CELF1: variants seen among roughly 807,000 people sequenced by gnomAD.
CELF1 encodes the protein CUGBP Elav-like family member 1.
CELF1 carries 10 observed loss-of-function variants against 61.8 expected under a neutral mutation model. That is an observed-to-expected ratio of 0.16 (90% CI 0.10 to 0.27). The LOEUF (loss-of-function observed/expected upper bound fraction) is 0.27. CELF1 is among the 10% of genes least tolerant of loss of function. The pLI, the probability that CELF1 is intolerant of heterozygous loss-of-function variation, is 1.00. For synonymous variants in CELF1, 236 were observed against 225.1 expected (o/e 1.05, Z -0.43); for missense variants, 380 against 639.1 (o/e 0.59, Z 4.37).
At chr11:47,535,921 C>A (rs2096618670) in intron 1 of CELF1, among the ~76,000 whole-genome samples, 1 of 151,782 alleles carries the variant, frequency 6.6e-6, no homozygotes, top group Admixed American at 6.6e-5. Context: ...TGCCACCGTG[C>A]CCAGCTAATT....
chr11:47,541,680 G>A lies in CELF1; in HGVS notation c.-154+11312C>T, dbSNP rs755234943. 2.8e-3 allele frequency among the ~76,000 whole-genome samples: 179 copies of A among 63,566 alleles called. 2 individuals are homozygous for A. The highest frequency in any genetic ancestry group is 0.02 in the Middle Eastern group (4 of 200). 41.7% of individuals were successfully genotyped at this position (63,566 alleles called of 152,430 possible). On this transcript the variant is annotated intron_variant, in intron 1 of 14. Coordinates refer to ENST00000687097, the MANE Select transcript of CELF1 (RefSeq NM_001376376.1). Reference sequence around the variant, plus strand: ...ACTCCAGAGCCTGGTGACAGGGCGAGACTGTCAAAGAAAGAAAGAAAGAAA... The same window carrying A: ...ACTCCAGAGCCTGGTGACAGGGCGAAACTGTCAAAGAAAGAAAGAAAGAAA...
intron 8 of CELF1, 37 bp downstream of exon 8, chr11:47,483,416 G>A: frequency 6.5e-7 from 1 of 1,546,172 alleles, no homozygotes; most frequent in Non-Finnish European, 8.9e-7. Context: ...GCATTCCCAA[G>A]CTGAGGAATT....
chr11:47,495,603 T>C (rs1041821878), intron 3 of CELF1, among the ~76,000 whole-genome samples: 4 of 152,140 alleles, frequency 2.6e-5, no homozygotes, highest in Non-Finnish European at 5.9e-5. Context: ...CGAAGAAAAG[T>C]CATGTTGCAA....
chr11:47,561,897 A>G (rs1435219383), intron 2 of CELF1, among the ~76,000 whole-genome samples: 1 of 152,080 alleles, frequency 6.6e-6, no homozygotes, highest in Non-Finnish European at 1.5e-5. Context: ...CATTCTAAGC[A>G]TAAGACAGGT....
chr11:47,486,734 G>C lies in CELF1; in HGVS notation c.391+16C>G, dbSNP rs372908172. The C allele has an allele frequency of 3.7e-6, 6 of 1,606,932 alleles. No homozygotes were observed. In the Admixed American group the frequency reaches 1.0e-4, roughly 27 times the overall value. On this transcript the variant is annotated intron_variant, in intron 6 of 14. Coordinates refer to ENST00000687097, the MANE Select transcript of CELF1 (RefSeq NM_001376376.1). ...AGGCAGAAATCTTAAGGGGAAGATT[G>C]TATACATTTGCTTACCATTGTTCTT... is the stretch of plus-strand genomic sequence containing the variant.
At chr11:47,504,082 G>C (rs886420048) in intron 1 of CELF1, among the ~76,000 whole-genome samples, 3 of 152,160 alleles carry the variant, frequency 2.0e-5, no homozygotes, top group African/African-American at 7.2e-5. Context: ...GGCTGAGGCA[G>C]GAGGAGTGAC....
At chr11:47,494,060 C>T (rs1418722814) in intron 3 of CELF1, among the ~76,000 whole-genome samples, 2 of 152,338 alleles carry the variant, frequency 1.3e-5, no homozygotes, top group East Asian at 3.9e-4. Flanking sequence ...CATCTCCATT[C>T]AAGAACCAGT....
intron 1 of CELF1, among the ~76,000 whole-genome samples, chr11:47,517,945 G>A (rs1043342337): frequency 6.6e-6 from 1 of 152,060 alleles, no homozygotes; most frequent in Non-Finnish European, 1.5e-5. Flanking sequence ...CCGGCCTACT[G>A]AAAATTTTTT....
chr11:47,475,285 T>C (rs2079509483), intron 13 of CELF1, 51 bp downstream of exon 13: 1 of 1,578,222 alleles, frequency 6.3e-7, no homozygotes, highest in Non-Finnish European at 8.7e-7. Flanking sequence ...CGTTCTGGTA[T>C]AGGAGGAAAA....
chr11:47,519,805 G>A (rs1351263218), intron 1 of CELF1, among the ~76,000 whole-genome samples: 1 of 151,818 alleles, frequency 6.6e-6, no homozygotes, highest in African/African-American at 2.4e-5. Context: ...GCAGCTTTTA[G>A]TGAGCTGAGA....
chr11:47,509,801 C>T lies in CELF1; in HGVS notation c.-153-8869G>A, dbSNP rs150087969. Among the ~76,000 whole-genome samples, 872 of 150,380 alleles carry T rather than the reference C, an allele frequency of 5.8e-3. 8 individuals carry two copies. The highest frequency in any genetic ancestry group is 0.02 in the African/African-American group (820 of 40,914). Reference sequence around the variant, plus strand: ...TAGCACTTTGGGAGGCTGAGGTGGGCGGGTCACTTGAGGTCAGGAATTCAA... The same window carrying T: ...TAGCACTTTGGGAGGCTGAGGTGGGTGGGTCACTTGAGGTCAGGAATTCAA... On this transcript the variant is annotated intron_variant, in intron 1 of 14. Transcript: ENST00000687097.
intron 1 of CELF1, among the ~76,000 whole-genome samples, chr11:47,522,709 C>T (rs184924906): frequency 6.5e-4 from 98 of 151,356 alleles, no homozygotes; most frequent in Non-Finnish European, 1.2e-3. Flanking sequence ...CGCTTGTAGT[C>T]GCAGCTACTC....
chr11:47,505,890 G>A (rs1358745273), intron 1 of CELF1, among the ~76,000 whole-genome samples: 4 of 148,112 alleles, frequency 2.7e-5, no homozygotes, highest in South Asian at 2.2e-4. Flanking sequence ...AGCTGAGATC[G>A]TGCCACTGCA....
At chr11:47,528,366 A>G (rs1439916543) in intron 1 of CELF1, among the ~76,000 whole-genome samples, 3 of 152,208 alleles carry the variant, frequency 2.0e-5, no homozygotes, top group Admixed American at 6.6e-5. Flanking sequence ...GTATGCATTT[A>G]TAAGGAAATG....
At chr11:47,546,825 G>A (rs1206700961) in intron 1 of CELF1, among the ~76,000 whole-genome samples, 2 of 152,014 alleles carry the variant, frequency 1.3e-5, no homozygotes, top group African/African-American at 2.4e-5. Flanking sequence ...AGAACTTTGG[G>A]AGGCTGAGGT....
chr11:47,477,093 G>T, intron 11 of CELF1, 134 bp from the exon 12 acceptor site: 1 of 895,090 alleles, frequency 1.1e-6, no homozygotes, highest in Non-Finnish European at 1.8e-6. Context: ...GTCCTTGCAG[G>T]ACAGAGACAA....
At chr11:47,500,736 C>A in intron 2 of CELF1, 125 bp downstream of exon 2, 1 of 394,002 alleles carries the variant, frequency 2.5e-6, no homozygotes, top group Non-Finnish European at 4.5e-6. Context: ...CAATTTAGCT[C>A]CACATCCCCC....
chr11:47,540,093 G>A (rs2096736689), intron 1 of CELF1, among the ~76,000 whole-genome samples: 1 of 152,120 alleles, frequency 6.6e-6, no homozygotes, highest in Non-Finnish European at 1.5e-5. Context: ...ATTAGAGTAG[G>A]GACTATATGC....
At chr11:47,488,238 A>G (rs940671483) in intron 4 of CELF1, among the ~76,000 whole-genome samples, 103 of 152,336 alleles carry the variant, frequency 6.8e-4, no homozygotes, top group African/African-American at 2.3e-3. Context: ...CCTATCTACC[A>G]TCAGTCTTGT....
Sources: gnomAD v4.1 joint callset for allele counts (sites outside exome capture counted in the v4.1 genomes callset) on GRCh38, gnomAD v4.1.1 for gene constraint, MANE v1.5 for transcripts, NCBI Gene and HGNC (gene_info 2026-07-23, HGNC 2026-07-21) for gene names.